Variants in GRIK3 observed in about 807,000 individuals in gnomAD.
GRIK3 encodes glutamate ionotropic receptor kainate type subunit 3.
Under a neutral mutation model 102.5 loss-of-function variants are expected in GRIK3, and 29 were observed. The observed-to-expected ratio is 0.28, with a 90% CI of 0.21 to 0.39. GRIK3 has a LOEUF of 0.39. Among genes scored for constraint, GRIK3 ranks in the 10% least tolerant of loss-of-function variants. The pLI is 1.00. For missense variants in GRIK3, 908 were observed against 1,252.4 expected (o/e 0.73, Z 4.15); for synonymous variants, 511 against 504.9 (o/e 1.01, Z -0.16).
At chr1:37,030,317 A>G (rs956399828) in intron 1 of GRIK3, among the ~76,000 whole-genome samples, 6 of 152,174 alleles carry the variant, frequency 3.9e-5, no homozygotes, top group Non-Finnish European at 5.9e-5. Context: ...CCCAAACTCA[A>G]GAGATGAATG....
At chr1:36,853,488 T>G in intron 8 of GRIK3, 127 bp downstream of exon 8, 1 of 651,864 alleles carries the variant, frequency 1.5e-6, no homozygotes, top group South Asian at 1.8e-5. Flanking sequence ...CTGGACCAAG[T>G]CAATCCCTGA....
intron 2 of GRIK3, 27 bp downstream of exon 2, chr1:36,890,893 G>A: frequency 6.4e-7 from 1 of 1,569,542 alleles, no homozygotes; most frequent in Non-Finnish European, 8.7e-7. Flanking sequence ...GCTGGGAAGA[G>A]AACAGAGGCA....
intron 1 of GRIK3, among the ~76,000 whole-genome samples, chr1:37,007,704 C>G (rs1642547234): frequency 6.6e-6 from 1 of 152,204 alleles, no homozygotes. Context: ...CAGCCACTTA[C>G]AATTGGTTCA....
intron 10 of GRIK3, among the ~76,000 whole-genome samples, chr1:36,836,673 ATGAGGCAGGGAAAACTTCTTAT>A (rs1237080222): frequency 2.0e-4 from 31 of 152,336 alleles, no homozygotes; most frequent in Middle Eastern, 3.4e-3. Flanking sequence ...AGCCCCATCT[ATGAGGCAGGGAAAACTTCTTAT>A]CTGGCCATCC....
chr1:36,918,911 C>T (rs567697839), intron 1 of GRIK3, among the ~76,000 whole-genome samples: 15 of 152,220 alleles, frequency 9.9e-5, no homozygotes, highest in South Asian at 2.1e-4. Context: ...TACTATTCAT[C>T]GAACACCAAT....
chr1:36,889,491 T>G (rs1358317369), intron 2 of GRIK3, among the ~76,000 whole-genome samples: 1 of 151,948 alleles, frequency 6.6e-6, no homozygotes, highest in Non-Finnish European at 1.5e-5. Context: ...GACCATGAGA[T>G]GTTCCATCCA....
intron 1 of GRIK3, among the ~76,000 whole-genome samples, chr1:36,925,594 C>A (rs1170953809): frequency 6.6e-6 from 1 of 152,374 alleles, no homozygotes; most frequent in South Asian, 2.1e-4. Flanking sequence ...TCTGGCCTGG[C>A]CTTGCAGTGT....
At chr1:36,940,207 G>A (rs924675494) in intron 1 of GRIK3, among the ~76,000 whole-genome samples, 6 of 152,262 alleles carry the variant, frequency 3.9e-5, no homozygotes, top group African/African-American at 1.4e-4. Flanking sequence ...ACTTGCCCGA[G>A]CAGAAGCAGC....
intron 1 of GRIK3, among the ~76,000 whole-genome samples, chr1:36,959,855 GCC>G (rs1238145929): frequency 1.0e-5 from 1 of 100,202 alleles, no homozygotes; most frequent in African/African-American, 3.5e-5. Context: ...TGCCCTGTGA[GCC>G]TGTGTGCCCC....
At chr1:36,997,286 G>A (rs1043186745) in intron 1 of GRIK3, among the ~76,000 whole-genome samples, 9 of 152,162 alleles carry the variant, frequency 5.9e-5, no homozygotes, top group African/African-American at 1.7e-4. Context: ...TTTATGGCGC[G>A]TTCTGTTCAG....
In GRIK3 at chr1:36,872,070, G is replaced by A; in HGVS notation, c.732+118C>T. On this transcript the variant is annotated intron_variant, in intron 4 of 15. Coordinates refer to ENST00000373091, the MANE Select transcript of GRIK3 (RefSeq NM_000831.4). This position sits in a 1 kb window ranked among gnomAD's most constrained non-coding sequence, Gnocchi z 5.9. The stretch of plus-strand genomic sequence containing the variant: ...ACCCAAGGTCACACAGCAGGAAAGT[G>A]GCAGAGCTAGGAGTCAAACTTAGAT... 1.1e-6 allele frequency: 1 copy of A among 944,970 alleles called. No homozygotes were observed. Among genetic ancestry groups the A allele is most frequent in the Non-Finnish European group, 1.5e-6 (1 of 647,888 alleles). 58.5% of individuals were successfully genotyped at this position (944,970 alleles called of 1,614,324 possible).
At chr1:36,903,859 C>G (rs1366879295) in intron 1 of GRIK3, among the ~76,000 whole-genome samples, 1 of 152,028 alleles carries the variant, frequency 6.6e-6, no homozygotes, top group African/African-American at 2.4e-5. Flanking sequence ...TTAGGGCAGT[C>G]AAATGATTCT....
chr1:36,902,728 T>C (rs538828476), intron 1 of GRIK3, among the ~76,000 whole-genome samples: 1 of 152,292 alleles, frequency 6.6e-6, no homozygotes, highest in East Asian at 1.9e-4. Context: ...AATTTTCTGC[T>C]CTGCAAAAGA....
At chr1:36,809,659 G>A (rs976563994) in intron 13 of GRIK3, among the ~76,000 whole-genome samples, 5 of 152,160 alleles carry the variant, frequency 3.3e-5, no homozygotes, top group Non-Finnish European at 7.3e-5. Flanking sequence ...ATACAGGCCT[G>A]CCTGACACCA....
chr1:36,868,435 A>G (rs1385446827), intron 5 of GRIK3, among the ~76,000 whole-genome samples: 1 of 152,194 alleles, frequency 6.6e-6, no homozygotes, highest in Non-Finnish European at 1.5e-5. Context: ...GATCAGGAGA[A>G]TCGCAGGGTG....
intron 1 of GRIK3, among the ~76,000 whole-genome samples, chr1:37,026,527 A>C (rs1041883168): frequency 6.6e-6 from 1 of 152,180 alleles, no homozygotes; most frequent in African/African-American, 2.4e-5. Context: ...TTTCTCCTAA[A>C]ATTTATTAAG....
intron 9 of GRIK3, among the ~76,000 whole-genome samples, chr1:36,847,183 G>A (rs535971712): frequency 5.9e-5 from 9 of 152,370 alleles, no homozygotes; most frequent in Admixed American, 2.0e-4. Context: ...AGCTGAGACC[G>A]TGGCCAAGGT....
chr1:36,929,165 C>A (rs1641561307), intron 1 of GRIK3, among the ~76,000 whole-genome samples: 1 of 152,086 alleles, frequency 6.6e-6, no homozygotes, highest in African/African-American at 2.4e-5. Flanking sequence ...TCAGGCATTA[C>A]AACATCCAAG....
chr1:36,920,293 G>A (rs1641452375), intron 1 of GRIK3, among the ~76,000 whole-genome samples: 1 of 152,186 alleles, frequency 6.6e-6, no homozygotes, highest in South Asian at 2.1e-4. Flanking sequence ...CTGCCTGTCA[G>A]TTTTTCCATC....
Sources: gnomAD v4.1 joint callset for allele counts (sites outside exome capture counted in the v4.1 genomes callset) on GRCh38, gnomAD v4.1.1 for gene constraint, Gnocchi (gnomAD v3.1) non-coding constraint, MANE v1.5 for transcripts, NCBI Gene and HGNC (gene_info 2026-07-23, HGNC 2026-07-21) for gene names.